The following DNAAF9 variants were observed in gnomAD, a reference collection of about 807,000 sequenced individuals.
The protein encoded by DNAAF9 is shulin.
DNAAF9 carries 90 observed loss-of-function variants against 167.0 expected under a neutral mutation model. The observed-to-expected ratio is 0.54, with a 90% CI of 0.45 to 0.64. The LOEUF is 0.64. Ranked by LOEUF, DNAAF9 falls within the 30% of genes least tolerant of loss-of-function variation. DNAAF9 has a pLI of 0.00. For missense variants in DNAAF9, 1,315 were observed against 1,442.2 expected (o/e 0.91, Z 1.43); for synonymous variants, 491 against 508.8 (o/e 0.96, Z 0.47).
At chr20:3,334,524 G>A (rs1244789026) in intron 10 of DNAAF9, among the ~76,000 whole-genome samples, 2 of 152,200 alleles carry the variant, frequency 1.3e-5, no homozygotes, top group Admixed American at 1.3e-4. Flanking sequence ...CCATATGCAG[G>A]TTTTTGTGTG....
intron 25 of DNAAF9, among the ~76,000 whole-genome samples, chr20:3,292,088 T>C (rs1264447477): frequency 6.6e-6 from 1 of 150,988 alleles, no homozygotes; most frequent in African/African-American, 2.4e-5. Context: ...AACCTCCGCC[T>C]CCCGGGTTCA....
intron 1 of DNAAF9, among the ~76,000 whole-genome samples, chr20:3,406,345 C>A (rs929185741): frequency 6.6e-6 from 1 of 152,190 alleles, no homozygotes; most frequent in Non-Finnish European, 1.5e-5. Context: ...TTGGCAACCT[C>A]CTTTCAAGGG....
chr20:3,336,974 G>A (rs1366071813), intron 10 of DNAAF9, among the ~76,000 whole-genome samples: 3 of 148,856 alleles, frequency 2.0e-5, no homozygotes, highest in Middle Eastern at 3.8e-3. Flanking sequence ...CCGCCTCCCG[G>A]GTTCACACCG....
At chr20:3,317,360 C>CAAAA (rs756394932) in intron 17 of DNAAF9, among the ~76,000 whole-genome samples, 1 of 99,530 alleles carries the variant, frequency 1.0e-5, no homozygotes, top group Non-Finnish European at 2.0e-5. Context: ...GACCTTGTCT[C>CAAAA]AAAAAAAAAA....
In DNAAF9 at chr20:3,281,713, T is replaced by C; in HGVS notation, c.2540A>G (p.Asn847Ser). 6.2e-7 allele frequency: 1 copy of C among 1,612,954 alleles called. No homozygotes were observed. Among genetic ancestry groups the C allele is most frequent in the Non-Finnish European group, 8.5e-7 (1 of 1,179,464 alleles). The change falls in exon 28 of 37, where the codon AAT becomes AGT. Residue 847 changes from asparagine (N) to serine (S), a missense_variant. By Grantham distance (46) the Asn-to-Ser change is conservative. Around this residue, in one of 2 missense-constraint regions of DNAAF9, gnomAD observed 334 missense variants for 429.7 expected, o/e 0.78. Coordinates refer to ENST00000252032, the MANE Select transcript of DNAAF9 (RefSeq NM_001009984.3). ...ACCAATGGTGAAGGAGGCCTTGACATTTGAGTCTGGGTGGGTCTGCAGGGC... is the reference window on the plus strand; with the variant it reads ...ACCAATGGTGAAGGAGGCCTTGACACTTGAGTCTGGGTGGGTCTGCAGGGC... ...VQALQTHPDSNVKASFTIGAI... is the reference protein window; with the variant it reads ...VQALQTHPDSSVKASFTIGAI...
At chr20:3,263,874 TGG>T in intron 31 of DNAAF9, among the ~76,000 whole-genome samples, 1 of 152,030 alleles carries the variant, frequency 6.6e-6, no homozygotes, top group East Asian at 1.9e-4. Flanking sequence ...ATATAGAGAG[TGG>T]AGTCTTTGAA....
chr20:3,303,377 G>C (rs2069228137), intron 21 of DNAAF9, among the ~76,000 whole-genome samples: 1 of 152,052 alleles, frequency 6.6e-6, no homozygotes, highest in East Asian at 1.9e-4. Context: ...TTCTATTTGT[G>C]AAATTTAAAT....
chr20:3,264,025 C>T (rs1377049285), intron 31 of DNAAF9, among the ~76,000 whole-genome samples: 2 of 152,174 alleles, frequency 1.3e-5, no homozygotes. Context: ...AGAGAACATT[C>T]CCTGGGCCAT....
chr20:3,325,021 C>G (rs1323845500), intron 13 of DNAAF9, 53 bp from the exon 14 acceptor site: 2 of 995,092 alleles, frequency 2.0e-6, no homozygotes, highest in Non-Finnish European at 3.3e-6. Context: ...AAAAAGTACA[C>G]ATATCACTGA....
At position 3,250,781 on chromosome 20, in the gene DNAAF9, C is replaced by T. The variant is rs897957188; in HGVS notation, c.*1791G>A. 3.9e-5 allele frequency: 6 copies of T among 152,272 alleles called. No individual in the cohort carries two copies. The highest frequency in any genetic ancestry group is 8.8e-5 in the Non-Finnish European group (6 of 68,060). 9.4% of individuals were successfully genotyped at this position (152,272 alleles called of 1,614,324 possible). On this transcript the variant is annotated 3_prime_UTR_variant, in exon 37 of 37. Coordinates refer to ENST00000252032, the MANE Select transcript of DNAAF9 (RefSeq NM_001009984.3). The stretch of plus-strand genomic sequence containing the variant: ...GCTTTCATTTAAAACTTCACAGCAG[C>T]CCACTTAGAGAAATGGCCTGTGGTT...
chr20:3,381,864 A>C (rs1447177752), intron 2 of DNAAF9, among the ~76,000 whole-genome samples: 1 of 152,220 alleles, frequency 6.6e-6, no homozygotes, highest in East Asian at 1.9e-4. Context: ...AGGCAGATTA[A>C]GGTGGCTTGA....
At chr20:3,269,957 CAA>C (rs535165977) in intron 30 of DNAAF9, among the ~76,000 whole-genome samples, 2 of 92,144 alleles carry the variant, frequency 2.2e-5, no homozygotes. Flanking sequence ...GACTCCGTCT[CAA>C]AAAAAAAAAA....
chr20:3,258,216 A>T lies in DNAAF9; in HGVS notation c.3055+1264T>A, dbSNP rs556750275. Among the ~76,000 whole-genome samples, 9 of 152,280 alleles carry T rather than the reference A, an allele frequency of 5.9e-5. 1 individual carries two copies. The highest frequency in any genetic ancestry group is 2.2e-4 in the African/African-American group (9 of 41,564). On this transcript the variant is annotated intron_variant, in intron 33 of 36. Transcript: ENST00000252032. ...AAAGGAGGTGATGGGTGAGAGGGAA[A>T]AACAAAAGTACCAAGACCTCTGAAG...
intron 1 of DNAAF9, among the ~76,000 whole-genome samples, chr20:3,391,401 G>A (rs959842643): frequency 1.3e-5 from 2 of 151,668 alleles, no homozygotes; most frequent in African/African-American, 2.4e-5. Flanking sequence ...TTAATATTTT[G>A]GCATATTTGC....
chr20:3,379,130 A>T (rs2123236616), intron 3 of DNAAF9, among the ~76,000 whole-genome samples: 1 of 151,958 alleles, frequency 6.6e-6, no homozygotes, highest in South Asian at 2.1e-4. Context: ...TCTACAGTAA[A>T]ATGTAACATG....
At chr20:3,375,781 G>A (rs1334952104) in intron 4 of DNAAF9, among the ~76,000 whole-genome samples, 3 of 151,956 alleles carry the variant, frequency 2.0e-5, no homozygotes, top group South Asian at 2.1e-4. Flanking sequence ...CTGGGAGGTC[G>A]AGGTTGCAGT....
At chr20:3,308,731 C>A (rs1568595365) in intron 20 of DNAAF9, among the ~76,000 whole-genome samples, 1 of 151,552 alleles carries the variant, frequency 6.6e-6, no homozygotes, top group Admixed American at 6.6e-5. Flanking sequence ...AATCCCAGCA[C>A]TTTGGGAGAC....
At chr20:3,281,122 G>A (rs7271953) in intron 28 of DNAAF9, among the ~76,000 whole-genome samples, 7 of 152,014 alleles carry the variant, frequency 4.6e-5, no homozygotes, top group Admixed American at 6.6e-5. Context: ...TCCACCTCCC[G>A]GGTTCAAGCG....
intron 10 of DNAAF9, among the ~76,000 whole-genome samples, chr20:3,339,790 T>C (rs1181045887): frequency 6.6e-6 from 1 of 152,176 alleles, no homozygotes; most frequent in Non-Finnish European, 1.5e-5. Context: ...TTCAGGAGGC[T>C]GAGGTGGGAG....
Sources: gnomAD v4.1 joint callset for allele counts (sites outside exome capture counted in the v4.1 genomes callset) on GRCh38, gnomAD v4.1.1 for gene constraint, gnomAD v4.1.1 regional missense constraint, MANE v1.5 for transcripts, NCBI Gene and HGNC (gene_info 2026-07-23, HGNC 2026-07-21) for gene names.